Variants in TEK observed in about 807,000 individuals in gnomAD.
The protein encoded by TEK is TEK receptor tyrosine kinase.
TEK carries 43 observed loss-of-function variants against 131.8 expected under a neutral mutation model. The ratio of observed to expected loss-of-function variants is 0.33; its 90% CI spans 0.26 to 0.42. TEK has a LOEUF of 0.42. TEK is among the 10% of genes least tolerant of loss of function. The pLI is 1.00. For missense variants in TEK, 1,162 were observed against 1,384.4 expected (o/e 0.84, Z 2.55); for synonymous variants, 580 against 491.6 (o/e 1.18, Z -2.38).
In TEK at chr9:27,139,447, C is replaced by T. The variant is rs575525114; in HGVS notation, c.53-18384C>T. Among the ~76,000 whole-genome samples the T allele has an allele frequency of 6.7e-5, 10 of 149,144 alleles. 1 individual carries two copies. The South Asian group carries it at 2.1e-3, about 32-fold the overall frequency. On this transcript the variant is annotated intron_variant, in intron 1 of 22. Transcript: ENST00000380036. ...GGTTCAAGCGATCCTGCCTCAGCCT[C>T]CCGAGTAGCTGGGATTACAGGTGTG...
chr9:27,131,828 G>C (rs1277874100), intron 1 of TEK, among the ~76,000 whole-genome samples: 1 of 151,614 alleles, frequency 6.6e-6, no homozygotes, highest in Non-Finnish European at 1.5e-5. Flanking sequence ...AAAGAAATTT[G>C]ATAAAGCTAT....
At chr9:27,221,495 G>A (rs1456803611) in intron 21 of TEK, among the ~76,000 whole-genome samples, 2 of 152,002 alleles carry the variant, frequency 1.3e-5, no homozygotes, top group African/African-American at 4.8e-5. Context: ...ACATCTCCCA[G>A]TAGGGGTCGA....
intron 2 of TEK, among the ~76,000 whole-genome samples, chr9:27,164,343 G>C (rs1273980409): frequency 1.4e-5 from 2 of 138,810 alleles, no homozygotes; most frequent in Admixed American, 7.6e-5. Flanking sequence ...TTTTTGAGAT[G>C]GAGTCTCACT....
intron 16 of TEK, among the ~76,000 whole-genome samples, chr9:27,209,778 G>A (rs901672789): frequency 3.3e-5 from 5 of 152,332 alleles, no homozygotes; most frequent in African/African-American, 7.2e-5. Context: ...CAACTATCCT[G>A]TGTTGCACAT....
At chr9:27,224,595 T>C (rs1171895643) in intron 21 of TEK, among the ~76,000 whole-genome samples, 2 of 152,146 alleles carry the variant, frequency 1.3e-5, no homozygotes, top group African/African-American at 4.8e-5. Context: ...TAGGTATTGA[T>C]GGAACGTATC....
At chr9:27,148,162 G>A (rs1822996584) in intron 1 of TEK, among the ~76,000 whole-genome samples, 1 of 152,184 alleles carries the variant, frequency 6.6e-6, no homozygotes, top group Non-Finnish European at 1.5e-5. Flanking sequence ...AGCACGTCCT[G>A]TAAACATGTT....
In TEK at chr9:27,216,713, C is replaced by T. The variant is rs112160674; in HGVS notation, c.2992-975C>T. Among the ~76,000 whole-genome samples, 53 of 152,310 alleles carry T rather than the reference C, an allele frequency of 3.5e-4. 1 individual carries two copies. The highest frequency in any genetic ancestry group is 1.1e-3 in the African/African-American group (45 of 41,566). On this transcript the variant is annotated intron_variant, in intron 18 of 22. Transcript: ENST00000380036. ...GGGAGACAATTGCACATTCAGGAAT[C>T]GTCCTTGGGATCTAGGGCAGGGCTG...
At chr9:27,144,621 C>G (rs371968139) in intron 1 of TEK, among the ~76,000 whole-genome samples, 1 of 151,818 alleles carries the variant, frequency 6.6e-6, no homozygotes, top group South Asian at 2.1e-4. Context: ...TTAATTGAGG[C>G]GAGGGAATGT....
At chr9:27,212,316 T>C (rs566572425) in intron 16 of TEK, among the ~76,000 whole-genome samples, 13 of 152,312 alleles carry the variant, frequency 8.5e-5, no homozygotes, top group Non-Finnish European at 1.8e-4. Flanking sequence ...GCCTGGCTCA[T>C]GTTACTAAGC....
At chr9:27,158,178 A>G (rs763857795) in intron 2 of TEK, 36 bp downstream of exon 2, 1 of 1,612,108 alleles carries the variant, frequency 6.2e-7, no homozygotes, top group Non-Finnish European at 8.5e-7. Flanking sequence ...GGTGAGGCCC[A>G]CTGAGGAACA....
chr9:27,125,117 C>G (rs779872963), intron 1 of TEK, among the ~76,000 whole-genome samples: 26 of 152,180 alleles, frequency 1.7e-4, no homozygotes, highest in Non-Finnish European at 3.2e-4. Flanking sequence ...TATCTCACAC[C>G]CAGAGTCAGC....
At chr9:27,228,512 G>A (rs180815075) in intron 22 of TEK, among the ~76,000 whole-genome samples, 8 of 152,218 alleles carry the variant, frequency 5.3e-5, no homozygotes, top group East Asian at 3.9e-4. Context: ...ATACAGTCAC[G>A]TACACACTAG....
intron 1 of TEK, among the ~76,000 whole-genome samples, chr9:27,143,787 T>C (rs1822814391): frequency 6.6e-6 from 1 of 152,218 alleles, no homozygotes; most frequent in Non-Finnish European, 1.5e-5. Context: ...GATCATGGCC[T>C]GTCATACTGC....
intron 15 of TEK, 87 bp from the exon 16 acceptor site, chr9:27,209,024 ACTGAGGGTAG>A (rs1296791249): frequency 3.8e-6 from 3 of 786,676 alleles, no homozygotes; most frequent in Non-Finnish European, 6.7e-6. Flanking sequence ...GTTGATGGTG[ACTGAGGGTAG>A]CTGAAGGTTC....
intron 1 of TEK, among the ~76,000 whole-genome samples, chr9:27,142,234 T>C (rs1412311323): frequency 6.6e-6 from 1 of 152,228 alleles, no homozygotes; most frequent in Non-Finnish European, 1.5e-5. Context: ...ACTTGGAGTT[T>C]TTAAGCATCT....
chr9:27,228,166 A>C, intron 21 of TEK, 40 bp from the exon 22 acceptor site: 1 of 1,538,014 alleles, frequency 6.5e-7, no homozygotes, highest in Non-Finnish European at 9.0e-7. Flanking sequence ...GGACTGAAGC[A>C]CAGTTATAGA....
At chr9:27,121,151 G>A (rs192507406) in intron 1 of TEK, among the ~76,000 whole-genome samples, 209 of 152,028 alleles carry the variant, frequency 1.4e-3, no homozygotes, top group African/African-American at 4.5e-3. Flanking sequence ...GCGAAACCCC[G>A]CCTCTACTAA....
At chr9:27,195,758 C>A (rs1470014421) in intron 11 of TEK, 1 of 449,092 alleles carries the variant, frequency 2.2e-6, no homozygotes, top group African/African-American at 2.0e-5. Context: ...ATTTTCACAT[C>A]CATTTTCTCA....
chr9:27,172,585 C>T, intron 4 of TEK, 31 bp from the exon 5 acceptor site: 2 of 1,612,480 alleles, frequency 1.2e-6, no homozygotes, highest in East Asian at 4.5e-5. Context: ...ATGCGCTCTA[C>T]TCACCACAGC....
Sources: gnomAD v4.1 joint callset for allele counts (sites outside exome capture counted in the v4.1 genomes callset) on GRCh38, gnomAD v4.1.1 for gene constraint, MANE v1.5 for transcripts, NCBI Gene and HGNC (gene_info 2026-07-23, HGNC 2026-07-21) for gene names.